The following GBE1 variants were observed in gnomAD, a reference collection of about 807,000 sequenced individuals.
The protein encoded by GBE1 is 1,4-alpha-glucan branching enzyme 1, also known as 1,4-alpha-glucan-branching enzyme.
GBE1 carries 70 observed loss-of-function variants against 88.8 expected under a neutral mutation model. The ratio of observed to expected loss-of-function variants is 0.79; its 90% confidence interval spans 0.65 to 0.96. The LOEUF is 0.96. Among genes scored for constraint, GBE1 ranks in the 40% least tolerant of loss-of-function variants. The pLI, the probability that GBE1 is intolerant of heterozygous loss-of-function variation, is 0.00. For synonymous variants in GBE1, 284 were observed against 300.1 expected (o/e 0.95, Z 0.56); for missense variants, 872 against 871.0 (o/e 1.00, Z -0.01).
intron 14 of GBE1, among the ~76,000 whole-genome samples, chr3:81,504,177 C>A (rs1023683797): frequency 6.6e-6 from 1 of 152,170 alleles, no homozygotes; most frequent in Non-Finnish European, 1.5e-5. Context: ...CACATTTCAA[C>A]ATGAGATCTT....
intron 1 of GBE1, among the ~76,000 whole-genome samples, chr3:81,711,641 T>C (rs995562433): frequency 1.3e-5 from 2 of 152,120 alleles, no homozygotes; most frequent in Admixed American, 6.5e-5. Flanking sequence ...CTTACACTTA[T>C]ACAAAAATTA....
chr3:81,498,792 C>T (rs1396179806), intron 15 of GBE1, among the ~76,000 whole-genome samples: 1 of 152,056 alleles, frequency 6.6e-6, no homozygotes. Flanking sequence ...TGAAATGTTG[C>T]ATAAAGAATA....
intron 1 of GBE1, among the ~76,000 whole-genome samples, chr3:81,741,860 T>TATATATA (rs935769900): frequency 4.1e-5 from 6 of 147,724 alleles, no homozygotes; most frequent in East Asian, 3.9e-4. Context: ...TATAGTTTTT[T>TATATATA]ATATATAATA....
At chr3:81,540,834 A>C (rs1197965759) in intron 12 of GBE1, among the ~76,000 whole-genome samples, 2 of 152,046 alleles carry the variant, frequency 1.3e-5, no homozygotes, top group Non-Finnish European at 2.9e-5. Flanking sequence ...CCCTCATGAA[A>C]GCCTCACTAT....
intron 7 of GBE1, among the ~76,000 whole-genome samples, chr3:81,634,093 GTT>G (rs1559670764): frequency 6.6e-6 from 1 of 152,118 alleles, no homozygotes; most frequent in African/African-American, 2.4e-5. Context: ...GAGGAGATCC[GTT>G]TGCCAGGTTG....
At chr3:81,728,348 TATA>T (rs1706140054) in intron 1 of GBE1, among the ~76,000 whole-genome samples, 1 of 152,210 alleles carries the variant, frequency 6.6e-6, no homozygotes. Flanking sequence ...AAGGAGGAAC[TATA>T]ATAATGCAAA....
intron 6 of GBE1, among the ~76,000 whole-genome samples, chr3:81,645,874 G>T (rs1704756396): frequency 6.6e-6 from 1 of 152,158 alleles, no homozygotes; most frequent in African/African-American, 2.4e-5. Flanking sequence ...CTGAGTGTTG[G>T]ACTTCTTCGG....
chr3:81,613,037 T>A, intron 7 of GBE1: 1 of 636,374 alleles, frequency 1.6e-6, no homozygotes, highest in Non-Finnish European at 2.4e-6. Flanking sequence ...ATGAAGATGA[T>A]GAAGGGGAGG....
rs538123971 is a variant in GBE1 at position 81,607,918 on chromosome 3, G to A, written c.993-13895C>T. On this transcript the variant is annotated intron_variant, in intron 7 of 15. Coordinates refer to ENST00000429644, the MANE Select transcript of GBE1 (RefSeq NM_000158.4). ...TTGTTATTATTTTCTAAATTTTATC[G>A]TAGGACAGCATAAAAAGTATAGATA... Among the ~76,000 whole-genome samples, 14 of 151,432 alleles carry A rather than the reference G, an allele frequency of 9.2e-5. 1 individual carries two copies. In the South Asian group the frequency reaches 2.5e-3, roughly 27 times the overall value.
intron 3 of GBE1, among the ~76,000 whole-genome samples, chr3:81,659,441 T>C (rs113038750): frequency 2.0e-5 from 3 of 151,810 alleles, no homozygotes; most frequent in South Asian, 2.1e-4. Flanking sequence ...GTTCAAGGGA[T>C]TCTTCTGTCT....
rs544890168 is a variant in GBE1, at chr3:81,661,097, G to A, written c.429+9741C>T. ...AATTGGATGACTACATAATTTAGAA[G>A]AAAAAAGCATGAAACATTTTTATTT... On this transcript the variant is annotated intron_variant, in intron 3 of 15. Coordinates refer to ENST00000429644, the MANE Select transcript of GBE1 (RefSeq NM_000158.4). 8.0e-5 allele frequency among the ~76,000 whole-genome samples: 12 copies of A among 150,538 alleles called. No homozygotes were observed. In the East Asian group the frequency reaches 2.3e-3, roughly 29 times the overall value.
chr3:81,579,247 AT>A (rs1703688306), intron 11 of GBE1, among the ~76,000 whole-genome samples: 1 of 152,008 alleles, frequency 6.6e-6, no homozygotes, highest in Non-Finnish European at 1.5e-5. Flanking sequence ...TTTACTATAA[AT>A]TATATGTTTA....
chr3:81,684,906 C>T (rs1289740153), intron 2 of GBE1, among the ~76,000 whole-genome samples: 3 of 152,176 alleles, frequency 2.0e-5, no homozygotes, highest in African/African-American at 7.2e-5. Flanking sequence ...TCACCATCCC[C>T]AGCCAAGTAA....
chr3:81,705,051 A>C (rs886176097), intron 2 of GBE1, among the ~76,000 whole-genome samples: 9 of 152,296 alleles, frequency 5.9e-5, no homozygotes, highest in African/African-American at 2.2e-4. Flanking sequence ...CAGAGGATCC[A>C]AGAACTATGA....
At chr3:81,529,598 G>C (rs1702988233) in intron 14 of GBE1, among the ~76,000 whole-genome samples, 1 of 151,996 alleles carries the variant, frequency 6.6e-6, no homozygotes, top group Non-Finnish European at 1.5e-5. Context: ...TAGGATAAAA[G>C]TTTTGTTTTC....
In GBE1 at chr3:81,682,226, G is replaced by A. The variant is rs540114863; in HGVS notation, c.314-11273C>T. On this transcript the variant is annotated intron_variant, in intron 2 of 15. Coordinates refer to ENST00000429644, the MANE Select transcript of GBE1 (RefSeq NM_000158.4). ...ATCTATAATCCCAACACTTTGGTAG[G>A]CCAAGGCAGGAGGGTTGCTTGAGGC... Among the ~76,000 whole-genome samples, 8 of 152,318 alleles carry A rather than the reference G, an allele frequency of 5.3e-5. No individual in the cohort carries two copies. The South Asian group carries it at 1.4e-3, about 28-fold the overall frequency.
Position 81,586,207 on chromosome 3 carries a change from C to G in GBE1, c.1237-17G>C, listed in dbSNP as rs137874519. 67 of 1,498,028 alleles carry G rather than the reference C, an allele frequency of 4.5e-5. No individual in the cohort carries two copies. Among genetic ancestry groups the G allele is most frequent in the Non-Finnish European group, 5.5e-5 (60 of 1,090,830 alleles). 92.8% of individuals were successfully genotyped at this position (1,498,028 alleles called of 1,614,324 possible). ...TGATACATCCTACAACAAAGAACGT[C>G]GGTTCATAATGATCAAACTTTTAGT... On this transcript the variant is annotated splice_polypyrimidine_tract_variant and intron_variant, in intron 9 of 15. Transcript: ENST00000429644.
At chr3:81,749,139 T>A (rs1407756612) in intron 1 of GBE1, among the ~76,000 whole-genome samples, 1 of 151,986 alleles carries the variant, frequency 6.6e-6, no homozygotes, top group Non-Finnish European at 1.5e-5. Flanking sequence ...TATACATAAA[T>A]ATTCATATCT....
chr3:81,511,614 C>A (rs367876408), intron 14 of GBE1, among the ~76,000 whole-genome samples: 1 of 151,798 alleles, frequency 6.6e-6, no homozygotes, highest in African/African-American at 2.4e-5. Flanking sequence ...TAGAGAAATG[C>A]ACGTCAAAAC....
Sources: gnomAD v4.1 joint callset for allele counts (sites outside exome capture counted in the v4.1 genomes callset) on GRCh38, gnomAD v4.1.1 for gene constraint, MANE v1.5 for transcripts, NCBI Gene and HGNC (gene_info 2026-07-23, HGNC 2026-07-21) for gene names.